The following SF3A2 variants were observed in gnomAD, a reference collection of about 807,000 sequenced individuals.
SF3A2 encodes SAP 62.
SF3A2 carries 5 observed loss-of-function variants against 31.1 expected under a neutral mutation model. The observed-to-expected ratio is 0.16, with a 90% confidence interval of 0.08 to 0.34. The LOEUF (loss-of-function observed/expected upper bound fraction) is 0.34, where lower values mean the gene tolerates loss of function less well. SF3A2 is among the 10% of genes least tolerant of loss of function. SF3A2 has a pLI of 1.00. For missense variants in SF3A2, 577 were observed against 643.9 expected (o/e 0.90, Z 1.13); for synonymous variants, 365 against 263.7 (o/e 1.38, Z -3.72).
chr19:2,246,143 C>T lies in SF3A2; in HGVS notation c.355+588C>T, dbSNP rs1340182488. Among the ~76,000 whole-genome samples the T allele has an allele frequency of 2.6e-5, 4 of 152,256 alleles. No homozygotes were observed. In the Middle Eastern group the frequency reaches 0.01, roughly 388 times the overall value. On this transcript the variant is annotated intron_variant, in intron 5 of 8. Transcript: ENST00000221494. The surrounding 1 kb of genome is among the most constrained non-coding windows in gnomAD (Gnocchi z 5.5). ...ACAGAAGCCTGCAGGGCAGAGGTCC[C>T]GGGGCAGGTGCACCGGGTGGGCGAG... is the stretch of plus-strand genomic sequence containing the variant.
rs1487852416 is a variant in SF3A2, at chr19:2,246,977, G to A, written c.501G>A (p.Gln167=). The part of the protein sequence containing the change: ...QRIEPPDRRW[Q]YLLMAAEPYE... Reference sequence around the variant, plus strand: ...TCGAGCCTCCGGACCGGCGCTGGCAGTACCTGCTCATGGCCGCCGAGCCCT... The same window carrying A: ...TCGAGCCTCCGGACCGGCGCTGGCAATACCTGCTCATGGCCGCCGAGCCCT... The change falls in exon 7 of 9, where the codon CAG becomes CAA. Residue 167 remains glutamine, a synonymous_variant. Coordinates refer to ENST00000221494, the MANE Select transcript of SF3A2 (RefSeq NM_007165.5). This position sits in a 1 kb window ranked among gnomAD's most constrained non-coding sequence, Gnocchi z 5.5. 6.2e-7 allele frequency: 1 copy of A among 1,606,524 alleles called. No homozygotes were observed. Among genetic ancestry groups the A allele is most frequent in the Admixed American group, 1.7e-5 (1 of 58,396 alleles).
Position 2,248,079 on chromosome 19 carries a change from C to A in SF3A2, c.928C>A (p.Pro310Thr). The A allele has an allele frequency of 1.1e-6, 1 of 936,170 alleles. No homozygotes were observed. Among genetic ancestry groups the A allele is most frequent in the Non-Finnish European group, 1.7e-6 (1 of 602,778 alleles). The allele number at this position is 936,170 out of a possible 1,614,324, so 58.0% of individuals were successfully genotyped here. Residue 310 changes from proline (P) to threonine (T), a missense_variant, in exon 9 of 9, where the codon CCC becomes ACC. Physicochemically the swap from Pro to Thr is conservative, Grantham distance 38 (BLOSUM62 -1). Transcript: ENST00000221494. The stretch of plus-strand genomic sequence containing the variant: ...CCATCCCCCAGCTCCTGGCGTCCAC[C>A]CCCCAGCTCCTGGCGTCCATCCCCC... ...GVHPPAPGVHPPAPGVHPPAP... is the reference protein window; with the variant it reads ...GVHPPAPGVHTPAPGVHPPAP...
chr19:2,244,516 C>CT (rs576263121), intron 2 of SF3A2, 28 bp from the exon 3 acceptor site: 5 of 1,597,772 alleles, frequency 3.1e-6, no homozygotes, highest in Non-Finnish European at 4.3e-6. Context: ...GATCTTCTGT[C>CT]TAACGGGCCC....
chr19:2,238,494 C>T (rs2024859535), intron 1 of SF3A2, among the ~76,000 whole-genome samples: 1 of 152,252 alleles, frequency 6.6e-6, no homozygotes, highest in Non-Finnish European at 1.5e-5. Flanking sequence ...CCCACTGCAC[C>T]TTCACCTTCC....
In SF3A2 at chr19:2,246,647, TC is replaced by T; in HGVS notation, c.356-101del. The T allele has an allele frequency of 1.5e-6, 2 of 1,300,008 alleles. No individual in the cohort carries two copies. Among genetic ancestry groups the T allele is most frequent in the Non-Finnish European group, 1.1e-6 (1 of 923,468 alleles). The allele number at this position is 1,300,008 out of a possible 1,614,324, so 80.5% of individuals were successfully genotyped here. A position where few individuals can be genotyped will look rare whatever the true frequency, so the allele number is the denominator to read the frequency against. On this transcript the variant is annotated intron_variant, in intron 5 of 8. Transcript: ENST00000221494. The surrounding 1 kb of genome is among the most constrained non-coding windows in gnomAD (Gnocchi z 5.5). ...TAATGGTTGCCAGAGCTGCAGGGCC[TC>T]CCCCGGGGTCCCGCTCTCGTTCAGT...
Position 2,245,903 on chromosome 19 carries a change from C to T in SF3A2, c.355+348C>T, listed in dbSNP as rs958591422. The stretch of plus-strand genomic sequence containing the variant: ...ACATCCCTCCGGTTAACCTTGAAGC[C>T]TTTGAAGGAGGACAGGGAGAAGCGG... On this transcript the variant is annotated intron_variant, in intron 5 of 8. Transcript: ENST00000221494. The surrounding 1 kb of genome is among the most constrained non-coding windows in gnomAD (Gnocchi z 4.2). 3.3e-6 allele frequency: 1 copy of T among 302,256 alleles called. No individual in the cohort carries two copies. Among genetic ancestry groups the T allele is most frequent in the Non-Finnish European group, 6.3e-6 (1 of 159,042 alleles). The allele number at this position is 302,256 out of a possible 1,614,324, so 18.7% of individuals were successfully genotyped here. A position where few individuals can be genotyped will look rare whatever the true frequency, so the allele number is the denominator to read the frequency against.
At position 2,247,403 on chromosome 19, in the gene SF3A2, C is replaced by T. The variant is rs146457632; in HGVS notation, c.547-191C>T. 8.0e-3 allele frequency among the ~76,000 whole-genome samples: 1,220 copies of T among 152,276 alleles called. 11 individuals carry two copies. Among genetic ancestry groups the T allele is most frequent in the Non-Finnish European group, 0.012 (832 of 68,000 alleles). ...GACTGCCCAGGGAGGGGGCCAACAG[C>T]GTGCTAGCATTGAGGCCAGGTCTGT... On this transcript the variant is annotated intron_variant, in intron 7 of 8. Coordinates refer to ENST00000221494, the MANE Select transcript of SF3A2 (RefSeq NM_007165.5).
intron 1 of SF3A2, among the ~76,000 whole-genome samples, chr19:2,242,661 GC>G (rs958041866): frequency 6.6e-6 from 1 of 152,200 alleles, no homozygotes; most frequent in African/African-American, 2.4e-5. Context: ...AGGGCCCGGG[GC>G]CAACATTGAG....
intron 2 of SF3A2, 92 bp downstream of exon 2, chr19:2,243,636 G>A (rs980876054): frequency 1.0e-5 from 14 of 1,381,924 alleles, no homozygotes; most frequent in South Asian, 6.3e-5. Flanking sequence ...TTGGGCCTCC[G>A]CCCAGGCTGG....
Position 2,247,647 on chromosome 19 carries a change from C to T in SF3A2, c.600C>T (p.Asn200=), listed in dbSNP as rs767879861. The change falls in exon 8 of 9, where the codon AAC becomes AAT. Residue 200 remains asparagine (N), a synonymous_variant. Transcript: ENST00000221494. ...KAEGKFWTHW[N]RETKQFFLQF... ...AGGGCAAGTTCTGGACACACTGGAA[C>T]CGGGAGACCAAGCAGGTGAGTGGCT... 1 of 1,613,430 alleles carries T rather than the reference C, an allele frequency of 6.2e-7. No individual in the cohort carries two copies. The highest frequency in any genetic ancestry group is 8.5e-7 in the Non-Finnish European group (1 of 1,179,764).
intron 1 of SF3A2, among the ~76,000 whole-genome samples, chr19:2,238,482 C>T (rs2024859111): frequency 2.0e-5 from 3 of 152,204 alleles, no homozygotes; most frequent in Admixed American, 6.5e-5. Flanking sequence ...CCCTCCCATC[C>T]ACCCACTGCA....
At chr19:2,237,744 C>G (rs2024846122) in intron 1 of SF3A2, 1 of 152,178 alleles carries the variant, frequency 6.6e-6, no homozygotes, top group Non-Finnish European at 1.5e-5. Context: ...AGCCTCAGTT[C>G]CCTTAAAATG....
At chr19:2,247,446 C>T (rs920321197) in intron 7 of SF3A2, 148 bp from the exon 8 acceptor site, 4 of 725,920 alleles carry the variant, frequency 5.5e-6, no homozygotes, top group African/African-American at 3.5e-5. Flanking sequence ...CAGAACTGAA[C>T]CCTGTGCCCC....
rs777095617 is a variant in SF3A2 at position 2,246,822 on chromosome 19, C to T, written c.405+20C>T. On this transcript the variant is annotated intron_variant, in intron 6 of 8. Coordinates refer to ENST00000221494, the MANE Select transcript of SF3A2 (RefSeq NM_007165.5). The surrounding 1 kb of genome is among the most constrained non-coding windows in gnomAD (Gnocchi z 5.5). The stretch of plus-strand genomic sequence containing the variant: ...TTCCAGGTGAGATCAGGGACTTGGG[C>T]GTGGGGGGCGGCCAAAGGCACCCAA... 8 of 1,613,560 alleles carry T rather than the reference C, an allele frequency of 5.0e-6. No homozygotes were observed. Among genetic ancestry groups the T allele is most frequent in the South Asian group, 3.3e-5 (3 of 91,082 alleles).
At position 2,247,473 on chromosome 19, in the gene SF3A2, C is replaced by T. The variant is rs906730649; in HGVS notation, c.547-121C>T. ...CTGTGCCCCACGAAAGTCTTACCAG[C>T]CTTCTCCTGGGCTCCCAGGGTAGAG... On this transcript the variant is annotated intron_variant, in intron 7 of 8. Transcript: ENST00000221494. The T allele has an allele frequency of 7.3e-6, 7 of 952,522 alleles. No individual in the cohort carries two copies. In the African/African-American group the frequency reaches 9.7e-5, roughly 13 times the overall value. 59.0% of individuals were successfully genotyped at this position (952,522 alleles called of 1,614,324 possible).
At chr19:2,240,857 G>T (rs1198569007) in intron 1 of SF3A2, among the ~76,000 whole-genome samples, 7 of 152,234 alleles carry the variant, frequency 4.6e-5, no homozygotes, top group Admixed American at 4.6e-4. Context: ...ACCTGTCCTG[G>T]CCCCAGAAGC....
At chr19:2,244,676 A>G (rs72985496) in intron 3 of SF3A2, 57 bp from the exon 4 acceptor site, 1 of 1,609,258 alleles carries the variant, frequency 6.2e-7, no homozygotes, top group East Asian at 2.2e-5. Context: ...CGTCAGGGGG[A>G]CCTGCCTGTG....
At chr19:2,242,515 C>T (rs919572060) in intron 1 of SF3A2, among the ~76,000 whole-genome samples, 4 of 152,212 alleles carry the variant, frequency 2.6e-5, no homozygotes, top group Non-Finnish European at 4.4e-5. Context: ...CTCAAGCCCA[C>T]CTGCACATCC....
chr19:2,247,956 C>A lies in SF3A2; in HGVS notation c.805C>A (p.Pro269Thr). 2.2e-6 allele frequency: 3 copies of A among 1,342,840 alleles called. No individual in the cohort carries two copies. Among genetic ancestry groups the A allele is most frequent in the Non-Finnish European group, 3.1e-6 (3 of 961,412 alleles). 83.2% of individuals were successfully genotyped at this position (1,342,840 alleles called of 1,614,324 possible). ...LPLPPMPPTGPAPSGPPGPPQ... is the reference protein window; with the variant it reads ...LPLPPMPPTGTAPSGPPGPPQ... ...TCTGCCACCCATGCCCCCCACAGGGCCTGCGCCCTCAGGGCCCCCGGGACC... is the reference window on the plus strand; with the variant it reads ...TCTGCCACCCATGCCCCCCACAGGGACTGCGCCCTCAGGGCCCCCGGGACC... Residue 269 changes from proline to threonine, a missense_variant, in exon 9 of 9, where the codon CCT (proline) becomes ACT (threonine). Around this residue, in one of 6 missense-constraint regions of SF3A2, gnomAD observed 462 missense variants for 339.1 expected, o/e 1.36. Coordinates refer to ENST00000221494, the MANE Select transcript of SF3A2 (RefSeq NM_007165.5).
Sources: gnomAD v4.1 joint callset for allele counts (sites outside exome capture counted in the v4.1 genomes callset) on GRCh38, gnomAD v4.1.1 for gene constraint, gnomAD v4.1.1 regional missense constraint, Gnocchi (gnomAD v3.1) non-coding constraint, MANE v1.5 for transcripts, NCBI Gene and HGNC (gene_info 2026-07-23, HGNC 2026-07-21) for gene names.